The following CMTM4 variants were observed in gnomAD, a reference collection of about 807,000 sequenced individuals.
The protein encoded by CMTM4 is CKLF-like MARVEL transmembrane domain-containing protein 4.
In CMTM4, 8 loss-of-function variants were observed where a neutral mutation model predicts 19.0. The ratio of observed to expected loss-of-function variants is 0.42; its 90% CI spans 0.25 to 0.76. The LOEUF is 0.76. Among genes scored for constraint, CMTM4 ranks in the 30% least tolerant of loss-of-function variants. The pLI, the probability that CMTM4 is intolerant of heterozygous loss-of-function variation, is 0.27. For synonymous variants in CMTM4, 106 were observed against 121.1 expected (o/e 0.88, Z 0.82); for missense variants, 228 against 290.2 (o/e 0.79, Z 1.56).
At chr16:66,610,657 G>A (rs2015342345), downstream of CMTM4, among the ~76,000 whole-genome samples, 1 of 152,164 alleles carries the variant, frequency 6.6e-6, no homozygotes, top group South Asian at 2.1e-4. This position sits in a 1 kb window ranked among gnomAD's most constrained non-coding sequence, Gnocchi z 4.6. Flanking sequence ...GCTGAGAGCA[G>A]AGACAGCAGG....
downstream of CMTM4, chr16:66,613,410 C>A (rs1294211829): frequency 7.5e-6 from 3 of 398,470 alleles, no homozygotes; most frequent in South Asian, 4.2e-5. Context: ...AACCCTCCTT[C>A]TTCCTAGAGC....
chr16:66,687,478 C>A (rs2017054723), intron 1 of CMTM4, among the ~76,000 whole-genome samples: 1 of 151,738 alleles, frequency 6.6e-6, no homozygotes, highest in Non-Finnish European at 1.5e-5. Context: ...CCAGCCTAGG[C>A]AACATAGCGA....
chr16:66,677,610 T>C (rs1379854181), intron 1 of CMTM4, among the ~76,000 whole-genome samples: 1 of 152,206 alleles, frequency 6.6e-6, no homozygotes, highest in East Asian at 1.9e-4. Flanking sequence ...GGTAGTCTTA[T>C]CTGTACTCCT....
chr16:66,629,145 G>C (rs1356824428), intron 2 of CMTM4, among the ~76,000 whole-genome samples: 1 of 152,178 alleles, frequency 6.6e-6, no homozygotes, highest in African/African-American at 2.4e-5. Context: ...AATCAAGGCT[G>C]AACTGATCAC....
chr16:66,664,285 C>G (rs2016552257), intron 1 of CMTM4, among the ~76,000 whole-genome samples: 1 of 151,244 alleles, frequency 6.6e-6, no homozygotes, highest in Non-Finnish European at 1.5e-5. Flanking sequence ...GAACTCATAG[C>G]CAACAAATCT....
At chr16:66,674,145 T>C (rs943290068) in intron 1 of CMTM4, among the ~76,000 whole-genome samples, 34 of 152,294 alleles carry the variant, frequency 2.2e-4, no homozygotes, top group Non-Finnish European at 4.3e-4. Context: ...TGGGTCACAG[T>C]CTGGTCTGCG....
In CMTM4 at chr16:66,688,810, A is replaced by T. The variant is rs542453706; in HGVS notation, c.186+7530T>A. Among the ~76,000 whole-genome samples the T allele has an allele frequency of 7.9e-5, 12 of 152,224 alleles. No individual in the cohort carries two copies. In the South Asian group the frequency reaches 2.3e-3, roughly 29 times the overall value. On this transcript the variant is annotated intron_variant, in intron 1 of 3. Coordinates refer to ENST00000394106, the MANE Select transcript of CMTM4 (RefSeq NM_181521.3). ...TGTCTACTTATTTTGGTCATCTTTGATTTCTTACTTCAGTGTTTTGTAGTT... is the reference window on the plus strand; with the variant it reads ...TGTCTACTTATTTTGGTCATCTTTGTTTTCTTACTTCAGTGTTTTGTAGTT...
downstream of CMTM4, among the ~76,000 whole-genome samples, chr16:66,610,226 T>G (rs2015325920): frequency 6.6e-6 from 1 of 152,108 alleles, no homozygotes; most frequent in African/African-American, 2.4e-5. This position sits in a 1 kb window ranked among gnomAD's most constrained non-coding sequence, Gnocchi z 4.6. Context: ...GGGCAAGCAG[T>G]GGGCATGGCT....
At chr16:66,693,117 G>C (rs1010012014) in intron 1 of CMTM4, among the ~76,000 whole-genome samples, 9 of 152,094 alleles carry the variant, frequency 5.9e-5, no homozygotes, top group South Asian at 2.1e-4. Flanking sequence ...CCAGCTACTC[G>C]GGAGGCTGAG....
chr16:66,608,228 G>A, the CMTM4 span: 1 of 1,521,416 alleles, frequency 6.6e-7, no homozygotes, highest in East Asian at 2.3e-5. This position sits in a 1 kb window ranked among gnomAD's most constrained non-coding sequence, Gnocchi z 5.1. Context: ...CCTCTATCCT[G>A]ACCACAGGGC....
chr16:66,653,915 T>G (rs1249630031), intron 1 of CMTM4, among the ~76,000 whole-genome samples: 2 of 152,082 alleles, frequency 1.3e-5, no homozygotes, highest in Non-Finnish European at 2.9e-5. Context: ...TTATGTGTTT[T>G]TTTTTAGTAG....
At chr16:66,668,638 T>A (rs2016647293) in intron 1 of CMTM4, among the ~76,000 whole-genome samples, 1 of 152,148 alleles carries the variant, frequency 6.6e-6, no homozygotes, top group Admixed American at 6.6e-5. Context: ...ATGTCATATA[T>A]TTTAGGATCT....
At chr16:66,681,931 ATTGG>A (rs2016923234) in intron 1 of CMTM4, among the ~76,000 whole-genome samples, 1 of 152,152 alleles carries the variant, frequency 6.6e-6, no homozygotes, top group Non-Finnish European at 1.5e-5. Context: ...TATTCCAGGC[ATTGG>A]CCATTCAGCA....
At chr16:66,604,851 G>C in the CMTM4 span, 1 of 1,367,082 alleles carries the variant, frequency 7.3e-7, no homozygotes, top group Non-Finnish European at 9.4e-7. Context: ...CGAGCCTGCC[G>C]GCGGCTCCCG....
intron 1 of CMTM4, among the ~76,000 whole-genome samples, chr16:66,664,700 A>T (rs2016560866): frequency 6.6e-6 from 1 of 152,226 alleles, no homozygotes. Flanking sequence ...CAATAAATCA[A>T]TTATAATGAA....
At chr16:66,599,116 C>T in the CMTM4 span, among the ~76,000 whole-genome samples, 2 of 151,066 alleles carry the variant, frequency 1.3e-5, no homozygotes, top group South Asian at 2.1e-4. Context: ...CCTGCCTCTA[C>T]TAAAATTACC....
chr16:66,647,952 C>G (rs1489494069), intron 1 of CMTM4, among the ~76,000 whole-genome samples: 1 of 152,200 alleles, frequency 6.6e-6, no homozygotes. Context: ...TGCACTTTGT[C>G]TGTATTCACT....
In CMTM4 at chr16:66,654,331, C is replaced by T. The variant is rs185142451; in HGVS notation, c.187-17750G>A. ...ACTAGGCACTAGTGATCACCCTCCACCTGCACTGGACTTCCACTGCTCCCC... is the reference window on the plus strand; with the variant it reads ...ACTAGGCACTAGTGATCACCCTCCATCTGCACTGGACTTCCACTGCTCCCC... On this transcript the variant is annotated intron_variant, in intron 1 of 3. Transcript: ENST00000394106. Among the ~76,000 whole-genome samples, 411 of 152,282 alleles carry T rather than the reference C, an allele frequency of 2.7e-3. 2 individuals are homozygous for T. The highest frequency in any genetic ancestry group is 9.1e-3 in the African/African-American group (380 of 41,566).
intron 1 of CMTM4, among the ~76,000 whole-genome samples, chr16:66,660,432 T>C (rs777917232): frequency 6.8e-6 from 1 of 147,116 alleles, no homozygotes; most frequent in Non-Finnish European, 1.5e-5. Context: ...AAAGGTGAAA[T>C]TTATTGCATG....
Sources: gnomAD v4.1 joint callset for allele counts (sites outside exome capture counted in the v4.1 genomes callset) on GRCh38, gnomAD v4.1.1 for gene constraint, Gnocchi (gnomAD v3.1) non-coding constraint, MANE v1.5 for transcripts, NCBI Gene and HGNC (gene_info 2026-07-23, HGNC 2026-07-21) for gene names.